Variants in SENP7 observed in about 807,000 individuals in gnomAD.
SENP7 encodes sentrin-specific protease 7.
SENP7 carries 64 observed loss-of-function variants against 141.2 expected under a neutral mutation model. That is an observed-to-expected ratio of 0.45 (90% confidence interval 0.37 to 0.56). The LOEUF (loss-of-function observed/expected upper bound fraction) is 0.56, where lower values mean the gene tolerates loss of function less well. Ranked by LOEUF, SENP7 falls within the 20% of genes least tolerant of loss-of-function variation. SENP7 has a pLI of 0.00. For missense variants in SENP7, 1,025 were observed against 1,212.2 expected (o/e 0.85, Z 2.29); for synonymous variants, 382 against 426.4 (o/e 0.90, Z 1.28).
At chr3:101,328,148 T>C (rs1460960250) in intron 22 of SENP7, among the ~76,000 whole-genome samples, 1 of 152,174 alleles carries the variant, frequency 6.6e-6, no homozygotes, top group Non-Finnish European at 1.5e-5. Context: ...CATACATACA[T>C]ATACATAATT....
chr3:101,333,989 C>T (rs997894027), intron 17 of SENP7, among the ~76,000 whole-genome samples: 1 of 152,176 alleles, frequency 6.6e-6, no homozygotes, highest in African/African-American at 2.4e-5. Flanking sequence ...TCATAAGGAG[C>T]ACGCAACCTA....
At chr3:101,474,223 T>C (rs2064124290) in intron 3 of SENP7, among the ~76,000 whole-genome samples, 1 of 152,226 alleles carries the variant, frequency 6.6e-6, no homozygotes, top group Admixed American at 6.5e-5. Context: ...TCTAGTTCTG[T>C]AAAGAATGTC....
chr3:101,447,687 C>T (rs954194553), intron 4 of SENP7, among the ~76,000 whole-genome samples: 1 of 152,034 alleles, frequency 6.6e-6, no homozygotes, highest in Admixed American at 6.6e-5. Flanking sequence ...TCAATACAAT[C>T]TCTGTCAAAA....
At chr3:101,421,241 T>C (rs1343498614) in intron 4 of SENP7, among the ~76,000 whole-genome samples, 6 of 152,142 alleles carry the variant, frequency 3.9e-5, no homozygotes, top group African/African-American at 1.4e-4. Context: ...TGTATATATG[T>C]ATATATGTGA....
chr3:101,477,181 A>G (rs1235195871), intron 3 of SENP7, among the ~76,000 whole-genome samples: 1 of 152,144 alleles, frequency 6.6e-6, no homozygotes, highest in Admixed American at 6.5e-5. Context: ...GCCCATGCCT[A>G]TGCCCTGAAT....
chr3:101,457,841 A>G (rs1188652810), intron 4 of SENP7: 1 of 559,570 alleles, frequency 1.8e-6, no homozygotes, highest in Non-Finnish European at 3.2e-6. Context: ...GACGGCAGCT[A>G]AAGGGGAATG....
chr3:101,466,997 A>C (rs900583678), intron 3 of SENP7, among the ~76,000 whole-genome samples: 1 of 152,194 alleles, frequency 6.6e-6, no homozygotes, highest in African/African-American at 2.4e-5. Context: ...CACTTTTCCC[A>C]AGGTCTTAGC....
At chr3:101,449,932 G>T (rs192094280) in intron 4 of SENP7, among the ~76,000 whole-genome samples, 16 of 152,284 alleles carry the variant, frequency 1.1e-4, no homozygotes, top group African/African-American at 3.4e-4. Flanking sequence ...TGGATAAAGA[G>T]TCAAGACCCA....
chr3:101,364,522 T>C (rs962554151), intron 10 of SENP7, among the ~76,000 whole-genome samples: 1 of 152,048 alleles, frequency 6.6e-6, no homozygotes, highest in African/African-American at 2.4e-5. Flanking sequence ...ATATAAATAC[T>C]AGAAAATGTG....
chr3:101,385,256 A>G (rs1042043780), intron 6 of SENP7, among the ~76,000 whole-genome samples: 1 of 152,148 alleles, frequency 6.6e-6, no homozygotes, highest in East Asian at 1.9e-4. Flanking sequence ...GGAATTACAC[A>G]TAAGTAAATG....
chr3:101,500,217 A>T (rs2065323572), intron 2 of SENP7, among the ~76,000 whole-genome samples: 1 of 152,178 alleles, frequency 6.6e-6, no homozygotes, highest in African/African-American at 2.4e-5. Context: ...TTATAATGTA[A>T]ATCGGGATAT....
intron 3 of SENP7, 105 bp from the exon 4 acceptor site, chr3:101,459,157 A>G (rs368909310): frequency 1.2e-5 from 7 of 572,610 alleles, no homozygotes; most frequent in South Asian, 3.0e-5. Flanking sequence ...GATCAAATAC[A>G]TAGTTCACAG....
chr3:101,448,964 G>C (rs2063007879), intron 4 of SENP7, among the ~76,000 whole-genome samples: 1 of 152,088 alleles, frequency 6.6e-6, no homozygotes. Flanking sequence ...TGGAAAAGAA[G>C]TTAAAAACCT....
At chr3:101,357,368 T>C in intron 11 of SENP7, 1 of 693,174 alleles carries the variant, frequency 1.4e-6, no homozygotes, top group South Asian at 1.5e-5. Context: ...CAGAAACCTG[T>C]TCTTCCTTGG....
chr3:101,427,651 TC>T (rs2107698119), intron 4 of SENP7, among the ~76,000 whole-genome samples: 1 of 152,228 alleles, frequency 6.6e-6, no homozygotes, highest in African/African-American at 2.4e-5. Flanking sequence ...ATTTCCTTTT[TC>T]TTTTTCTTTT....
intron 3 of SENP7, among the ~76,000 whole-genome samples, chr3:101,468,296 C>T (rs2063839072): frequency 1.3e-5 from 2 of 152,134 alleles, no homozygotes; most frequent in South Asian, 4.1e-4. Flanking sequence ...AGGATATTAT[C>T]CAGGAGAACT....
chr3:101,511,057 C>T (rs1224781627), intron 1 of SENP7, among the ~76,000 whole-genome samples: 1 of 152,048 alleles, frequency 6.6e-6, no homozygotes, highest in Non-Finnish European at 1.5e-5. Context: ...AAACTAGAGG[C>T]ATACTGGAGA....
intron 5 of SENP7, among the ~76,000 whole-genome samples, chr3:101,408,760 T>G (rs902395515): frequency 1.4e-4 from 21 of 152,074 alleles, no homozygotes; most frequent in Non-Finnish European, 2.9e-4. Context: ...CTCAGCAAAA[T>G]CGGCATACAA....
chr3:101,356,191 C>T (rs1379243542), intron 11 of SENP7, among the ~76,000 whole-genome samples: 3 of 152,068 alleles, frequency 2.0e-5, no homozygotes, highest in Admixed American at 6.6e-5. Context: ...CTACCTTATA[C>T]GTTACTTAAT....
Sources: gnomAD v4.1 joint callset for allele counts (sites outside exome capture counted in the v4.1 genomes callset) on GRCh38, gnomAD v4.1.1 for gene constraint, MANE v1.5 for transcripts, NCBI Gene and HGNC (gene_info 2026-07-23, HGNC 2026-07-21) for gene names.